IL33: variants seen among roughly 807,000 people sequenced by gnomAD.
The protein encoded by IL33 is interleukin 33, also known as interleukin-33.
Under a neutral mutation model 27.3 loss-of-function variants are expected in IL33, and 37 were observed. The observed-to-expected ratio is 1.36, with a 90% CI of 1.04 to 1.78. The LOEUF (loss-of-function observed/expected upper bound fraction) is 1.78. Among genes scored for constraint, IL33 ranks in the 40% most tolerant of loss-of-function variants. IL33 has a pLI of 0.00. For synonymous variants in IL33, 132 were observed against 102.9 expected (o/e 1.28, Z -1.71); for missense variants, 406 against 311.4 (o/e 1.30, Z -2.29).
At chr9:6,228,681 A>T (rs532149337) in intron 1 of IL33, among the ~76,000 whole-genome samples, 1 of 152,058 alleles carries the variant, frequency 6.6e-6, no homozygotes, top group Non-Finnish European at 1.5e-5. Context: ...ACAAAGCGAG[A>T]CCCTGTCTCT....
In IL33 at chr9:6,257,735, A is replaced by C. The variant is rs1816821719; in HGVS notation, c.*1567A>C. 6.6e-6 allele frequency: 1 copy of C among 152,232 alleles called. No individual in the cohort carries two copies. Among genetic ancestry groups the C allele is most frequent in the South Asian group, 2.1e-4 (1 of 4,830 alleles). The allele number at this position is 152,232 out of a possible 1,614,324, so 9.4% of individuals were successfully genotyped here. A position where few individuals can be genotyped will look rare whatever the true frequency, so the allele number is the denominator to read the frequency against. The stretch of plus-strand genomic sequence containing the variant: ...TAGATGTAAGTGCTAGTAGAATATA[A>C]GATAAAAGAGGCTGAGAATTACCAT... On this transcript the variant is annotated 3_prime_UTR_variant, in exon 8 of 8. Transcript: ENST00000682010.
rs183675428 is a variant in IL33, at chr9:6,256,816, A to G, written c.*648A>G. The G allele has an allele frequency of 1.3e-5, 2 of 153,258 alleles. No homozygotes were observed. Among genetic ancestry groups the G allele is most frequent in the Non-Finnish European group, 2.9e-5 (2 of 68,678 alleles). The allele number at this position is 153,258 out of a possible 1,614,324, so 9.5% of individuals were successfully genotyped here. On this transcript the variant is annotated 3_prime_UTR_variant, in exon 8 of 8. Transcript: ENST00000682010. The stretch of plus-strand genomic sequence containing the variant: ...AAAGATAACTAAAAAATTTAGAAAA[A>G]TAAATCCAGTATTTGTAAAGTGAAT...
intron 6 of IL33, 72 bp from the exon 7 acceptor site, chr9:6,254,390 G>A: frequency 4.4e-6 from 4 of 900,462 alleles, no homozygotes; most frequent in Non-Finnish European, 6.5e-6. Flanking sequence ...TTTTTTCCTG[G>A]GTGTTGAATT....
intron 6 of IL33, 69 bp from the exon 7 acceptor site, chr9:6,254,393 G>A (rs1816599979): frequency 2.1e-6 from 2 of 967,596 alleles, no homozygotes; most frequent in African/African-American, 1.6e-5. Flanking sequence ...TTTCCTGGGT[G>A]TTGAATTCAT....
At position 6,250,628 on chromosome 9, in the gene IL33, T is replaced by C. The variant is rs556261429; in HGVS notation, c.217+29T>C. On this transcript the variant is annotated intron_variant, in intron 3 of 7. Coordinates refer to ENST00000682010, the MANE Select transcript of IL33 (RefSeq NM_033439.4). ...AGGGGAACCGTACATTCTCTGGCAATAGTGATAAGTATCTGTTTGCCTTCA... is the reference window on the plus strand; with the variant it reads ...AGGGGAACCGTACATTCTCTGGCAACAGTGATAAGTATCTGTTTGCCTTCA... 14 of 1,602,994 alleles carry C rather than the reference T, an allele frequency of 8.7e-6. No homozygotes were observed. The African/African-American group carries it at 1.6e-4, about 18-fold the overall frequency.
chr9:6,244,942 C>A (rs1819741252), intron 2 of IL33, among the ~76,000 whole-genome samples: 1 of 152,208 alleles, frequency 6.6e-6, no homozygotes, highest in African/African-American at 2.4e-5. Flanking sequence ...ACATTGTGGT[C>A]ACCCACAGGG....
rs373389509 is a variant in IL33 at position 6,253,484 on chromosome 9, T to C, written c.470-68T>C. ...GGGGAGGATATTTTCTGATGTTATG[T>C]GTGTGTTGGAACTGAAAACTTAACA... On this transcript the variant is annotated intron_variant, in intron 5 of 7. Coordinates refer to ENST00000682010, the MANE Select transcript of IL33 (RefSeq NM_033439.4). 37 of 1,006,164 alleles carry C rather than the reference T, an allele frequency of 3.7e-5. No individual in the cohort carries two copies. The African/African-American group carries it at 5.9e-4, about 16-fold the overall frequency. The allele number at this position is 1,006,164 out of a possible 1,614,324, so 62.3% of individuals were successfully genotyped here. A position where few individuals can be genotyped will look rare whatever the true frequency, so the allele number is the denominator to read the frequency against.
Position 6,254,564 on chromosome 9 carries a change from A to G in IL33, c.612+11A>G. 1.3e-6 allele frequency: 2 copies of G among 1,519,130 alleles called. No individual in the cohort carries two copies. Among genetic ancestry groups the G allele is most frequent in the Non-Finnish European group, 1.8e-6 (2 of 1,120,508 alleles). The allele number at this position is 1,519,130 out of a possible 1,614,324, so 94.1% of individuals were successfully genotyped here. On this transcript the variant is annotated intron_variant, in intron 7 of 7. Coordinates refer to ENST00000682010, the MANE Select transcript of IL33 (RefSeq NM_033439.4). ...GAACACTCTGTGGAGGTAAAAAAAAAAAATTTATCTATATCTATATATATG... is the reference window on the plus strand; with the variant it reads ...GAACACTCTGTGGAGGTAAAAAAAAGAAATTTATCTATATCTATATATATG...
intron 1 of IL33, among the ~76,000 whole-genome samples, chr9:6,226,511 A>C (rs1170779406): frequency 6.6e-6 from 1 of 152,066 alleles, no homozygotes; most frequent in Non-Finnish European, 1.5e-5. Context: ...CCCTCTTTTC[A>C]TATTTTCCAC....
chr9:6,255,277 T>G (rs1816658459), intron 7 of IL33, among the ~76,000 whole-genome samples: 1 of 152,074 alleles, frequency 6.6e-6, no homozygotes. Context: ...TAAAGCTAAC[T>G]AACACAGCCA....
At chr9:6,238,749 GA>G (rs1819369293) in intron 1 of IL33, among the ~76,000 whole-genome samples, 1 of 152,140 alleles carries the variant, frequency 6.6e-6, no homozygotes, top group Admixed American at 6.5e-5. Flanking sequence ...TTAAAAAGAA[GA>G]AGCAATAATT....
intron 1 of IL33, among the ~76,000 whole-genome samples, chr9:6,219,303 A>T (rs998465848): frequency 1.3e-5 from 2 of 151,960 alleles, no homozygotes; most frequent in Admixed American, 1.3e-4. Context: ...AAGCAAAAGT[A>T]ACTTTTAAGG....
At chr9:6,220,304 T>C (rs993416751) in intron 1 of IL33, among the ~76,000 whole-genome samples, 1 of 152,230 alleles carries the variant, frequency 6.6e-6, no homozygotes, top group Non-Finnish European at 1.5e-5. Flanking sequence ...GCCATATTAG[T>C]GCATCTGAGA....
intron 2 of IL33, 78 bp from the exon 3 acceptor site, chr9:6,250,396 G>T: frequency 6.7e-7 from 1 of 1,483,944 alleles, no homozygotes; most frequent in Non-Finnish European, 9.2e-7. Context: ...TTGCTTTCTT[G>T]GTCTGCTACA....
At chr9:6,215,365 T>C (rs1379247399), upstream of IL33, among the ~76,000 whole-genome samples, 1 of 152,236 alleles carries the variant, frequency 6.6e-6, no homozygotes, top group Non-Finnish European at 1.5e-5. Flanking sequence ...TCAGAGCTTT[T>C]ATTTGCAGAC....
chr9:6,235,206 A>G (rs1238987120), intron 1 of IL33, among the ~76,000 whole-genome samples: 2 of 151,960 alleles, frequency 1.3e-5, no homozygotes, highest in Admixed American at 1.3e-4. Flanking sequence ...CAGTCCAGCT[A>G]ATTTTTAAAA....
chr9:6,219,423 C>T (rs1345046654), intron 1 of IL33, among the ~76,000 whole-genome samples: 2 of 152,098 alleles, frequency 1.3e-5, no homozygotes, highest in Admixed American at 6.6e-5. Context: ...GGACTCCTGG[C>T]ACATGCTGCT....
rs1320440110 is a variant in IL33 at position 6,218,550 on chromosome 9, AG to A, written c.-12+2701del. 3.4e-4 allele frequency among the ~76,000 whole-genome samples: 51 copies of A among 151,620 alleles called. 1 individual carries two copies. In the East Asian group the frequency reaches 4.3e-3, roughly 13 times the overall value. ...CTCCATCAGGGAATTAAATCATTACAGGGAAATACTGAAGAAGGGTCAGCAT... is the reference window on the plus strand; with the variant it reads ...CTCCATCAGGGAATTAAATCATTACAGGAAATACTGAAGAAGGGTCAGCAT... On this transcript the variant is annotated intron_variant, in intron 1 of 7. Transcript: ENST00000682010.
chr9:6,228,632 G>A (rs540175431), intron 1 of IL33, among the ~76,000 whole-genome samples: 8 of 152,064 alleles, frequency 5.3e-5, no homozygotes, highest in African/African-American at 1.7e-4. Flanking sequence ...CAAGGTGGAA[G>A]GATCACTTGA....
Sources: gnomAD v4.1 joint callset for allele counts (sites outside exome capture counted in the v4.1 genomes callset) on GRCh38, gnomAD v4.1.1 for gene constraint, MANE v1.5 for transcripts, NCBI Gene and HGNC (gene_info 2026-07-23, HGNC 2026-07-21) for gene names.